Variants in CELSR1 observed in about 807,000 individuals in gnomAD.
CELSR1 encodes adhesion G protein-coupled receptor C1.
Under a neutral mutation model 249.1 loss-of-function variants are expected in CELSR1, and 110 were observed. The observed-to-expected ratio is 0.44, with a 90% CI of 0.38 to 0.52. The LOEUF is 0.52. CELSR1 is among the 20% of genes least tolerant of loss of function. CELSR1 has a pLI of 0.00. For synonymous variants in CELSR1, 2,113 were observed against 1,900.0 expected (o/e 1.11, Z -2.92); for missense variants, 4,109 against 4,296.4 (o/e 0.96, Z 1.22).
Position 46,410,525 on chromosome 22 carries a change from A to G in CELSR1, c.4806T>C (p.Gly1602=), listed in dbSNP as rs1392834648. ...LDLTGPLLLG[G]VPNLPEDFPV... ...GGAAGTCTTCTGGCAGGTTGGGGACACCCCCCAGGAGTAGAGGGCCGGTCA... is the reference window on the plus strand; with the variant it reads ...GGAAGTCTTCTGGCAGGTTGGGGACGCCCCCCAGGAGTAGAGGGCCGGTCA... Residue 1602 remains glycine (G), a synonymous_variant, in exon 7 of 35, where the codon GGT becomes GGC. Coordinates refer to ENST00000674500, the MANE Select transcript of CELSR1 (RefSeq NM_001378328.1). The surrounding 1 kb of genome is among the most constrained non-coding windows in gnomAD (Gnocchi z 6.8). 1 of 1,613,764 alleles carries G rather than the reference A, an allele frequency of 6.2e-7. No individual in the cohort carries two copies. The highest frequency in any genetic ancestry group is 2.2e-5 in the East Asian group (1 of 44,852).
Position 46,437,079 on chromosome 22 carries a change from T to C in CELSR1, c.4407-790A>G, listed in dbSNP as rs949978519. Reference sequence around the variant, plus strand: ...CATATCAGTGCTTAATATGGGCTGTTTGAATAAATGAAAGGAAGAGGCATG... The same window carrying C: ...CATATCAGTGCTTAATATGGGCTGTCTGAATAAATGAAAGGAAGAGGCATG... On this transcript the variant is annotated intron_variant, in intron 3 of 34. Transcript: ENST00000674500. This position sits in a 1 kb window ranked among gnomAD's most constrained non-coding sequence, Gnocchi z 4.9. 2.0e-5 allele frequency among the ~76,000 whole-genome samples: 3 copies of C among 152,270 alleles called. No individual in the cohort carries two copies. The highest frequency in any genetic ancestry group is 6.5e-5 in the Admixed American group (1 of 15,286).
intron 1 of CELSR1, among the ~76,000 whole-genome samples, chr22:46,503,739 A>G (rs2080487719): frequency 6.6e-6 from 1 of 152,216 alleles, no homozygotes; most frequent in African/African-American, 2.4e-5. Flanking sequence ...CACAACAAAA[A>G]ATATTTAAGG....
At chr22:46,459,035 G>T (rs1056244270) in intron 2 of CELSR1, among the ~76,000 whole-genome samples, 2 of 151,366 alleles carry the variant, frequency 1.3e-5, no homozygotes, top group Non-Finnish European at 2.9e-5. Flanking sequence ...TGGGACTACA[G>T]GCGTGTGCCA....
intron 29 of CELSR1, 136 bp from the exon 30 acceptor site, chr22:46,366,616 T>C: frequency 1.4e-6 from 1 of 737,170 alleles, no homozygotes; most frequent in African/African-American, 1.7e-5. Flanking sequence ...CAGGAGGAGC[T>C]GGCCCCAAGC....
intron 5 of CELSR1, among the ~76,000 whole-genome samples, chr22:46,426,654 C>T (rs540351824): frequency 3.1e-4 from 47 of 152,244 alleles, no homozygotes; most frequent in African/African-American, 1.0e-3. Context: ...CCAAAGTTCA[C>T]GTGTTGAAAC....
chr22:46,408,759 G>A lies in CELSR1; in HGVS notation c.5226+237C>T, dbSNP rs969653106. Among the ~76,000 whole-genome samples, 4 of 152,202 alleles carry A rather than the reference G, an allele frequency of 2.6e-5. No homozygotes were observed. Among genetic ancestry groups the A allele is most frequent in the South Asian group, 2.1e-4 (1 of 4,836 alleles). On this transcript the variant is annotated intron_variant, in intron 9 of 34. Coordinates refer to ENST00000674500, the MANE Select transcript of CELSR1 (RefSeq NM_001378328.1). The surrounding 1 kb of genome is among the most constrained non-coding windows in gnomAD (Gnocchi z 4.6). ...AGGCTAGAGGGAGACCAGAACTGCC[G>A]CTGAGCTCTGCTGGGCCCCAGGGTT...
In CELSR1 at chr22:46,518,704, C is replaced by T. The variant is rs1486848711; in HGVS notation, c.3544+14923G>A. On this transcript the variant is annotated intron_variant, in intron 1 of 34. Transcript: ENST00000674500. This position sits in a 1 kb window ranked among gnomAD's most constrained non-coding sequence, Gnocchi z 5.2. ...TGCCTCCATCTTCACGTTGTGGCCT[C>T]CTCATTGTGTGTCTGTCTCTGTCTT... Among the ~76,000 whole-genome samples, 1 of 152,166 alleles carries T rather than the reference C, an allele frequency of 6.6e-6. No homozygotes were observed. Among genetic ancestry groups the T allele is most frequent in the Non-Finnish European group, 1.5e-5 (1 of 68,036 alleles).
At chr22:46,502,438 A>AGGGGAAAGGGGAGGGAAGGGGAGGGAC in intron 1 of CELSR1, among the ~76,000 whole-genome samples, 1 of 124,606 alleles carries the variant, frequency 8.0e-6, no homozygotes, top group Non-Finnish European at 1.7e-5. Context: ...AGGGGAGGGA[A>AGGGGAAAGGGGAGGGAAGGGGAGGGAC]GGGTAAAGTG....
intron 2 of CELSR1, among the ~76,000 whole-genome samples, chr22:46,460,962 C>T (rs1483966917): frequency 6.6e-6 from 1 of 152,214 alleles, no homozygotes; most frequent in African/African-American, 2.4e-5. Context: ...CCTGCTGTCT[C>T]CTGTCCCGCA....
chr22:46,398,914 C>T lies in CELSR1; in HGVS notation c.5413-277G>A, dbSNP rs989830327. Among the ~76,000 whole-genome samples the T allele has an allele frequency of 4.6e-5, 7 of 152,176 alleles. No homozygotes were observed. The highest frequency in any genetic ancestry group is 1.9e-4 in the East Asian group (1 of 5,194). On this transcript the variant is annotated intron_variant, in intron 10 of 34. Coordinates refer to ENST00000674500, the MANE Select transcript of CELSR1 (RefSeq NM_001378328.1). The surrounding 1 kb of genome is among the most constrained non-coding windows in gnomAD (Gnocchi z 7.2). ...TCAACGTGGGCAACTGTCCCGCCTC[C>T]GTCAAGGGCACAACACTAAACCAGC...
Position 46,533,918 on chromosome 22 carries a change from C to T in CELSR1, c.3253G>A (p.Ala1085Thr). Reference protein sequence around the residue: ...QATSAPLVSRATVHILLVDQN... With the variant: ...QATSAPLVSRTTVHILLVDQN... ...TCCACGAGAAGGATGTGCACCGTGG[C>T]TCGGCTCACCAGCGGAGCCGACGTG... Residue 1085 changes from alanine to threonine, a missense_variant, in exon 1 of 35, where the codon GCC becomes ACC. Around this residue, in one of 7 missense-constraint regions of CELSR1, gnomAD observed 886 missense variants for 896.5 expected, o/e 0.99. Coordinates refer to ENST00000674500, the MANE Select transcript of CELSR1 (RefSeq NM_001378328.1). 6.2e-7 allele frequency: 1 copy of T among 1,613,118 alleles called. No homozygotes were observed. Among genetic ancestry groups the T allele is most frequent in the Non-Finnish European group, 8.5e-7 (1 of 1,180,006 alleles).
At chr22:46,483,302 C>G (rs1483764792) in intron 1 of CELSR1, among the ~76,000 whole-genome samples, 1 of 151,668 alleles carries the variant, frequency 6.6e-6, no homozygotes, top group East Asian at 1.9e-4. Context: ...AAGCCACAAA[C>G]TGTGAGACCC....
chr22:46,527,972 A>G lies in CELSR1; in HGVS notation c.3544+5655T>C, dbSNP rs191051581. 1.3e-5 allele frequency among the ~76,000 whole-genome samples: 2 copies of G among 152,046 alleles called. No individual in the cohort carries two copies. Among genetic ancestry groups the G allele is most frequent in the Admixed American group, 1.3e-4 (2 of 15,250 alleles). On this transcript the variant is annotated intron_variant, in intron 1 of 34. Coordinates refer to ENST00000674500, the MANE Select transcript of CELSR1 (RefSeq NM_001378328.1). This position sits in a 1 kb window ranked among gnomAD's most constrained non-coding sequence, Gnocchi z 5.5. ...TAGCCAGGCATGATGGCGGGTACCTATAATCCCAGCTACTTGGGAAGCTGA... is the reference window on the plus strand; with the variant it reads ...TAGCCAGGCATGATGGCGGGTACCTGTAATCCCAGCTACTTGGGAAGCTGA...
At position 46,398,669 on chromosome 22, in the gene CELSR1, G is replaced by A. The variant is rs1178077458; in HGVS notation, c.5413-32C>T. 1 of 1,545,312 alleles carries A rather than the reference G, an allele frequency of 6.5e-7. No individual in the cohort carries two copies. The highest frequency in any genetic ancestry group is 8.8e-7 in the Non-Finnish European group (1 of 1,132,044). On this transcript the variant is annotated intron_variant, in intron 10 of 34. Coordinates refer to ENST00000674500, the MANE Select transcript of CELSR1 (RefSeq NM_001378328.1). This position sits in a 1 kb window ranked among gnomAD's most constrained non-coding sequence, Gnocchi z 7.2. ...GGAGAGAGGGGCCGGGGATCTGGGGGCTGCATCCACCATCCTAGAAACGTC... is the reference window on the plus strand; with the variant it reads ...GGAGAGAGGGGCCGGGGATCTGGGGACTGCATCCACCATCCTAGAAACGTC...
rs1035603887 is a variant in CELSR1, at chr22:46,395,340, C to T, written c.5844-1078G>A. 3.3e-5 allele frequency among the ~76,000 whole-genome samples: 5 copies of T among 152,082 alleles called. No homozygotes were observed. Among genetic ancestry groups the T allele is most frequent in the African/African-American group, 1.2e-4 (5 of 41,412 alleles). On this transcript the variant is annotated intron_variant, in intron 13 of 34. Coordinates refer to ENST00000674500, the MANE Select transcript of CELSR1 (RefSeq NM_001378328.1). This position sits in a 1 kb window ranked among gnomAD's most constrained non-coding sequence, Gnocchi z 5.5. ...AGGTCCTGCCACTTTAGTGCTGGGC[C>T]CCCACGGCCTCCACACAGCCGAATT...
At chr22:46,487,839 GA>G (rs1209786363) in intron 1 of CELSR1, among the ~76,000 whole-genome samples, 1 of 142,274 alleles carries the variant, frequency 7.0e-6, no homozygotes, top group African/African-American at 2.6e-5. Context: ...GGGTTGGGAA[GA>G]AGGGAGTCCA....
chr22:46,447,737 A>C lies in CELSR1; in HGVS notation c.4184-8326T>G, dbSNP rs2079836464. On this transcript the variant is annotated intron_variant, in intron 2 of 34. Transcript: ENST00000674500. The surrounding 1 kb of genome is among the most constrained non-coding windows in gnomAD (Gnocchi z 4.7). ...CAGGTTCAAGCGATTCTCCTGCCTC[A>C]GCCTCCCGAGTTGCTGGGATTACAG... is the stretch of plus-strand genomic sequence containing the variant. Among the ~76,000 whole-genome samples the C allele has an allele frequency of 6.6e-6, 1 of 152,174 alleles. No homozygotes were observed. Among genetic ancestry groups the C allele is most frequent in the Non-Finnish European group, 1.5e-5 (1 of 68,038 alleles).
At chr22:46,491,309 G>T (rs1384264892) in intron 1 of CELSR1, among the ~76,000 whole-genome samples, 1 of 148,894 alleles carries the variant, frequency 6.7e-6, no homozygotes, top group Admixed American at 6.7e-5. Flanking sequence ...TGTCGCCCAG[G>T]CTGGAATGCA....
At chr22:46,426,489 G>T (rs1435513490) in intron 5 of CELSR1, among the ~76,000 whole-genome samples, 6 of 152,136 alleles carry the variant, frequency 3.9e-5, no homozygotes, top group African/African-American at 1.4e-4. Flanking sequence ...TGACAGAAGG[G>T]GTGAGGGGCG....
Sources: gnomAD v4.1 joint callset for allele counts (sites outside exome capture counted in the v4.1 genomes callset) on GRCh38, gnomAD v4.1.1 for gene constraint, gnomAD v4.1.1 regional missense constraint, Gnocchi (gnomAD v3.1) non-coding constraint, MANE v1.5 for transcripts, NCBI Gene and HGNC (gene_info 2026-07-23, HGNC 2026-07-21) for gene names.